PDLIM5: variants seen among roughly 807,000 people sequenced by gnomAD.
PDLIM5 encodes PDZ and LIM domain 5.
Under a neutral mutation model 64.2 loss-of-function variants are expected in PDLIM5, and 34 were observed. That is an observed-to-expected ratio of 0.53 (90% CI 0.40 to 0.71). The LOEUF (loss-of-function observed/expected upper bound fraction) is 0.71, where lower values mean the gene tolerates loss of function less well. Among genes scored for constraint, PDLIM5 ranks in the 30% least tolerant of loss-of-function variants. The pLI is 0.00. For synonymous variants in PDLIM5, 253 were observed against 269.1 expected, an observed-to-expected ratio of 0.94 and a Z score of 0.59; for missense variants, 683 against 733.6, an observed-to-expected ratio of 0.93 and a Z score of 0.80.
chr4:94,469,594 C>G (rs972910137), intron 2 of PDLIM5, among the ~76,000 whole-genome samples: 2 of 152,074 alleles, frequency 1.3e-5, no homozygotes, highest in Admixed American at 6.6e-5. Context: ...TAAAGAGGTT[C>G]CTGGTAATGA....
At chr4:94,470,618 T>A (rs1724786476) in intron 2 of PDLIM5, among the ~76,000 whole-genome samples, 1 of 152,228 alleles carries the variant, frequency 6.6e-6, no homozygotes, top group South Asian at 2.1e-4. Flanking sequence ...AGTTTTAATA[T>A]GTTTTTCATT....
chr4:94,471,135 A>G (rs1331723084), intron 2 of PDLIM5, among the ~76,000 whole-genome samples: 1 of 152,224 alleles, frequency 6.6e-6, no homozygotes, highest in Non-Finnish European at 1.5e-5. Context: ...TATGGGAGCT[A>G]CAATTTGAGA....
In PDLIM5 at chr4:94,585,754, G is replaced by T; in HGVS notation, c.883+17G>T. 1 of 1,599,690 alleles carries T rather than the reference G, an allele frequency of 6.3e-7. No homozygotes were observed. The highest frequency in any genetic ancestry group is 1.1e-5 in the South Asian group (1 of 90,434). ...CTGAACATTGTAAGTGAACTTCTAG[G>T]TATCCTAATGGATGAATGTTTTTTT... On this transcript the variant is annotated intron_variant, in intron 6 of 12. Transcript: ENST00000317968.
chr4:94,502,902 C>A (rs1233696584), intron 2 of PDLIM5, among the ~76,000 whole-genome samples: 1 of 151,842 alleles, frequency 6.6e-6, no homozygotes, highest in African/African-American at 2.4e-5. Flanking sequence ...AAAGTTAATA[C>A]ATGTAAAACA....
chr4:94,567,136 G>A (rs532158760), intron 3 of PDLIM5, among the ~76,000 whole-genome samples: 7 of 152,116 alleles, frequency 4.6e-5, no homozygotes, highest in South Asian at 2.1e-4. Context: ...GGGACTACAG[G>A]CGCCCGCCAC....
At chr4:94,638,426 G>A (rs1023081393) in intron 8 of PDLIM5, among the ~76,000 whole-genome samples, 2 of 152,198 alleles carry the variant, frequency 1.3e-5, no homozygotes, top group African/African-American at 4.8e-5. Flanking sequence ...CAGATCGAGT[G>A]CCAGGCAGTG....
chr4:94,502,003 C>T (rs190448854), intron 2 of PDLIM5, among the ~76,000 whole-genome samples: 152 of 151,842 alleles, frequency 1.0e-3, no homozygotes, highest in Non-Finnish European at 1.9e-3. Flanking sequence ...ACTTTGGGGG[C>T]TCTGCCTTTT....
intron 2 of PDLIM5, among the ~76,000 whole-genome samples, chr4:94,501,021 A>T (rs890265421): frequency 6.7e-6 from 1 of 149,864 alleles, no homozygotes; most frequent in Non-Finnish European, 1.5e-5. Flanking sequence ...GGCTCAAGTG[A>T]TCCACCCACC....
At chr4:94,584,972 C>A in intron 5 of PDLIM5, 1 of 1,523,440 alleles carries the variant, frequency 6.6e-7, no homozygotes. Context: ...CTGCCTTCCT[C>A]TGTCAATTAA....
Position 94,628,994 on chromosome 4 carries a change from A to G in PDLIM5, c.1108+10803A>G, listed in dbSNP as rs546355601. On this transcript the variant is annotated intron_variant, in intron 8 of 12. Coordinates refer to ENST00000317968, the MANE Select transcript of PDLIM5 (RefSeq NM_006457.5). Reference sequence around the variant, plus strand: ...AAATGAAGCCCATTGGCCTCCTACAATAAAAGCATAGACTTGTCTTCCCAC... The same window carrying G: ...AAATGAAGCCCATTGGCCTCCTACAGTAAAAGCATAGACTTGTCTTCCCAC... Among the ~76,000 whole-genome samples, 36 of 152,072 alleles carry G rather than the reference A, an allele frequency of 2.4e-4. No individual in the cohort carries two copies. In the South Asian group the frequency reaches 6.8e-3, roughly 29 times the overall value.
intron 3 of PDLIM5, among the ~76,000 whole-genome samples, chr4:94,532,868 G>T (rs898680462): frequency 1.3e-5 from 2 of 152,150 alleles, no homozygotes; most frequent in African/African-American, 4.8e-5. Context: ...GTAGGATGCG[G>T]TGGTACGCGT....
chr4:94,472,819 A>G (rs994599842), intron 2 of PDLIM5, among the ~76,000 whole-genome samples: 1 of 152,186 alleles, frequency 6.6e-6, no homozygotes, highest in Non-Finnish European at 1.5e-5. Context: ...GTAAATTATT[A>G]TTGCTCACTC....
chr4:94,537,865 G>GC (rs1731448340), intron 3 of PDLIM5, among the ~76,000 whole-genome samples: 1 of 152,076 alleles, frequency 6.6e-6, no homozygotes, highest in Non-Finnish European at 1.5e-5. Flanking sequence ...ATCTTTTTAA[G>GC]TACAGAAATT....
intron 3 of PDLIM5, among the ~76,000 whole-genome samples, chr4:94,535,014 T>C (rs1578326055): frequency 6.6e-6 from 1 of 152,170 alleles, no homozygotes; most frequent in South Asian, 2.1e-4. Context: ...CCTTGCAGGG[T>C]CTTAGACACT....
intron 3 of PDLIM5, among the ~76,000 whole-genome samples, chr4:94,554,943 T>G (rs1248879831): frequency 6.6e-6 from 1 of 152,238 alleles, no homozygotes; most frequent in Non-Finnish European, 1.5e-5. Context: ...TCAATACTTT[T>G]TTATAAAATA....
intron 8 of PDLIM5, among the ~76,000 whole-genome samples, chr4:94,637,395 C>T (rs1740656231): frequency 1.3e-5 from 2 of 152,160 alleles, no homozygotes; most frequent in Non-Finnish European, 2.9e-5. Flanking sequence ...CTCATCTCTA[C>T]TAAAAATACA....
At chr4:94,631,576 C>A (rs1216809900) in intron 8 of PDLIM5, among the ~76,000 whole-genome samples, 1 of 152,186 alleles carries the variant, frequency 6.6e-6, no homozygotes, top group Non-Finnish European at 1.5e-5. Context: ...GAAGTGAGTA[C>A]TAGCAGGTTT....
At chr4:94,559,393 A>T (rs538124761) in intron 3 of PDLIM5, among the ~76,000 whole-genome samples, 1 of 152,186 alleles carries the variant, frequency 6.6e-6, no homozygotes, top group Admixed American at 6.5e-5. Context: ...TCAATATTCT[A>T]GCACATTTAA....
intron 3 of PDLIM5, among the ~76,000 whole-genome samples, chr4:94,557,083 T>C (rs1224107343): frequency 4.6e-5 from 7 of 152,214 alleles, no homozygotes; most frequent in Non-Finnish European, 8.8e-5. Context: ...AATTTTCGTA[T>C]AAGATGTAAG....
Sources: gnomAD v4.1 joint callset for allele counts (sites outside exome capture counted in the v4.1 genomes callset) on GRCh38, gnomAD v4.1.1 for gene constraint, MANE v1.5 for transcripts, NCBI Gene and HGNC (gene_info 2026-07-23, HGNC 2026-07-21) for gene names.